The following CCDC171 variants were observed in gnomAD, a reference collection of about 807,000 sequenced individuals.
The protein encoded by CCDC171 is coiled-coil domain-containing protein 171.
Under a neutral mutation model 168.2 loss-of-function variants are expected in CCDC171, and 177 were observed. The ratio of observed to expected loss-of-function variants is 1.05; its 90% CI spans 0.93 to 1.19. The LOEUF (loss-of-function observed/expected upper bound fraction) is 1.19, where lower values mean the gene tolerates loss of function less well. CCDC171 is among the 50% of genes most tolerant of loss of function. The probability of loss-of-function intolerance (pLI) is 0.00; values close to 1 mark genes in which losing one functional copy is unlikely to be tolerated. For synonymous variants in CCDC171, 687 were observed against 540.8 expected (o/e 1.27, Z -3.75); for missense variants, 1,991 against 1,539.0 (o/e 1.29, Z -4.91).
chr9:15,755,148 G>C (rs1301734596), intron 18 of CCDC171, among the ~76,000 whole-genome samples: 2 of 152,102 alleles, frequency 1.3e-5, no homozygotes, highest in Non-Finnish European at 2.9e-5. Flanking sequence ...CCAGATAATA[G>C]GAAGTCTAGA....
chr9:15,770,548 C>T (rs533035737), intron 18 of CCDC171, among the ~76,000 whole-genome samples: 1 of 152,120 alleles, frequency 6.6e-6, no homozygotes, highest in Non-Finnish European at 1.5e-5. Flanking sequence ...TTGTCTAAAT[C>T]AGAATATGTT....
intron 7 of CCDC171, among the ~76,000 whole-genome samples, chr9:15,625,594 T>C (rs1465871231): frequency 6.6e-6 from 1 of 152,202 alleles, no homozygotes; most frequent in Non-Finnish European, 1.5e-5. Context: ...CATTTCTTGT[T>C]TTTGTCAGGT....
intron 24 of CCDC171, among the ~76,000 whole-genome samples, chr9:15,914,040 C>T (rs1211899080): frequency 6.6e-6 from 1 of 152,176 alleles, no homozygotes; most frequent in Non-Finnish European, 1.5e-5. Context: ...GGACACCTGC[C>T]AGATACCAGC....
chr9:15,579,401 T>G (rs1474647275), intron 4 of CCDC171, among the ~76,000 whole-genome samples: 1 of 152,214 alleles, frequency 6.6e-6, no homozygotes, highest in Non-Finnish European at 1.5e-5. Flanking sequence ...TGAGAATCTA[T>G]ATGTTCAAGA....
intron 3 of CCDC171, among the ~76,000 whole-genome samples, chr9:15,982,386 T>C (rs761019442): frequency 2.0e-5 from 3 of 152,164 alleles, no homozygotes; most frequent in Non-Finnish European, 2.9e-5. Context: ...GAGATAATGA[T>C]ACCTTCTCTA....
chr9:16,069,227 G>T, the CCDC171 span, among the ~76,000 whole-genome samples: 4 of 152,216 alleles, frequency 2.6e-5, no homozygotes, highest in African/African-American at 9.7e-5. Context: ...ATGGAAAAAA[G>T]CTCTGAGTGG....
the CCDC171 span, among the ~76,000 whole-genome samples, chr9:16,101,021 G>A: frequency 1.3e-5 from 2 of 152,354 alleles, no homozygotes; most frequent in South Asian, 4.1e-4. Context: ...TGAGTATGCA[G>A]GGTGTTGACA....
At chr9:15,734,833 GA>G (rs543913502) in intron 16 of CCDC171, among the ~76,000 whole-genome samples, 2 of 152,180 alleles carry the variant, frequency 1.3e-5, no homozygotes, top group South Asian at 4.1e-4. Context: ...GACATGAGGG[GA>G]AAAAATCCGC....
chr9:15,554,905 G>A (rs1203367336), intron 1 of CCDC171, among the ~76,000 whole-genome samples: 1 of 152,150 alleles, frequency 6.6e-6, no homozygotes, highest in Non-Finnish European at 1.5e-5. Flanking sequence ...ATGAGATCAG[G>A]AATGCTGATC....
chr9:15,695,662 G>A (rs1233161410), intron 11 of CCDC171, among the ~76,000 whole-genome samples: 9 of 152,124 alleles, frequency 5.9e-5, no homozygotes, highest in East Asian at 5.8e-4. Context: ...CAGATGTTTC[G>A]ATCAAACTGA....
chr9:15,747,625 G>C (rs1416204617), intron 18 of CCDC171, among the ~76,000 whole-genome samples: 1 of 152,164 alleles, frequency 6.6e-6, no homozygotes, highest in African/African-American at 2.4e-5. Flanking sequence ...TGGACTGGAC[G>C]TCCAGCAAAC....
intron 7 of CCDC171, among the ~76,000 whole-genome samples, chr9:15,650,407 GAAA>G: frequency 6.6e-6 from 1 of 151,544 alleles, no homozygotes; most frequent in Non-Finnish European, 1.5e-5. Flanking sequence ...ATAAAAAAAA[GAAA>G]AAAAATAAAT....
rs2134655938 is a variant in CCDC171, at chr9:15,744,790, C to G, written c.2554+13C>G. On this transcript the variant is annotated intron_variant, in intron 17 of 25. Coordinates refer to ENST00000380701, the MANE Select transcript of CCDC171 (RefSeq NM_173550.4). ...CATAAATTTCCAAGTAAGATAATTT[C>G]TGCTTTTAAAAATATAAGTTGCATG... is the stretch of plus-strand genomic sequence containing the variant. 6.2e-7 allele frequency: 1 copy of G among 1,601,012 alleles called. No individual in the cohort carries two copies. Among genetic ancestry groups the G allele is most frequent in the Non-Finnish European group, 8.5e-7 (1 of 1,174,004 alleles).
intron 12 of CCDC171, among the ~76,000 whole-genome samples, chr9:15,722,471 T>C (rs2053546056): frequency 6.6e-6 from 1 of 152,262 alleles, no homozygotes; most frequent in Admixed American, 6.5e-5. Context: ...TTGATAATTT[T>C]CTTGGGTATT....
intron 1 of CCDC171, among the ~76,000 whole-genome samples, chr9:15,561,456 G>A (rs373418355): frequency 3.9e-5 from 6 of 152,302 alleles, no homozygotes; most frequent in Admixed American, 6.5e-5. Context: ...ACCAAATTGT[G>A]TATTTTAACT....
intron 7 of CCDC171, among the ~76,000 whole-genome samples, chr9:15,648,098 C>A (rs180783156): frequency 1.9e-3 from 282 of 152,266 alleles, no homozygotes; most frequent in African/African-American, 5.2e-3. Flanking sequence ...TCAACATACG[C>A]AAATCAATAA....
At chr9:15,989,221 G>A (rs1481918279) in intron 3 of CCDC171, among the ~76,000 whole-genome samples, 1 of 152,168 alleles carries the variant, frequency 6.6e-6, no homozygotes, top group East Asian at 1.9e-4. Context: ...GTACTGCTCT[G>A]AGACGAAGCT....
intron 23 of CCDC171, among the ~76,000 whole-genome samples, chr9:15,859,915 A>T (rs1214074226): frequency 6.7e-6 from 1 of 150,222 alleles, no homozygotes; most frequent in African/African-American, 2.4e-5. Context: ...CACTCCTCCC[A>T]CCTTGGCCAC....
chr9:16,033,044 G>A (rs1166187228), intron 6 of CCDC171, among the ~76,000 whole-genome samples: 1 of 152,142 alleles, frequency 6.6e-6, no homozygotes, highest in Non-Finnish European at 1.5e-5. Flanking sequence ...CCCAAACCAT[G>A]AGCCAGGGAG....
Sources: allele counts gnomAD v4.1 joint callset (sites outside exome capture counted in the v4.1 genomes callset), GRCh38; gene constraint gnomAD v4.1.1; transcripts MANE v1.5; gene names NCBI Gene and HGNC (gene_info 2026-07-23, HGNC 2026-07-21).